The following USO1 variants were observed in gnomAD, a reference collection of about 807,000 sequenced individuals.
USO1 encodes the protein general vesicular transport factor p115.
Under a neutral mutation model 124.5 loss-of-function variants are expected in USO1, and 57 were observed. The ratio of observed to expected loss-of-function variants is 0.46; its 90% CI spans 0.37 to 0.57. The LOEUF (loss-of-function observed/expected upper bound fraction) is 0.57, where lower values mean the gene tolerates loss of function less well. Among genes scored for constraint, USO1 ranks in the 20% least tolerant of loss-of-function variants. The pLI, the probability that USO1 is intolerant of heterozygous loss-of-function variation, is 0.00. For missense variants in USO1, 900 were observed against 1,040.6 expected, an observed-to-expected ratio of 0.86 and a Z score of 1.86; for synonymous variants, 369 against 362.8, an observed-to-expected ratio of 1.02 and a Z score of -0.19.
chr4:75,799,233 G>A (rs1055362215), intron 13 of USO1, among the ~76,000 whole-genome samples: 1 of 151,532 alleles, frequency 6.6e-6, no homozygotes, highest in Non-Finnish European at 1.5e-5. Flanking sequence ...TCAGGAACTT[G>A]TTTTTAAACT....
chr4:75,780,129 C>T (rs1479604761), intron 8 of USO1, among the ~76,000 whole-genome samples: 2 of 152,184 alleles, frequency 1.3e-5, no homozygotes, highest in Non-Finnish European at 2.9e-5. Context: ...ACTGAACACA[C>T]ATCTCTTACA....
At chr4:75,746,547 T>C (rs778989351) in intron 1 of USO1, among the ~76,000 whole-genome samples, 5 of 152,238 alleles carry the variant, frequency 3.3e-5, no homozygotes, top group Non-Finnish European at 7.3e-5. Flanking sequence ...CAGAAAAATA[T>C]AGACTTGTGT....
At chr4:75,798,635 C>A (rs1230233057) in intron 13 of USO1, among the ~76,000 whole-genome samples, 1 of 151,944 alleles carries the variant, frequency 6.6e-6, no homozygotes, top group Non-Finnish European at 1.5e-5. Flanking sequence ...ATAGAAGAGT[C>A]AAGATATTGG....
At chr4:75,812,516 C>T in intron 23 of USO1, 141 bp downstream of exon 23, 1 of 1,038,070 alleles carries the variant, frequency 9.6e-7, no homozygotes, top group East Asian at 2.6e-5. Context: ...ACCATCTATA[C>T]TGTTTTCACT....
At chr4:75,745,633 C>T (rs1043958637) in intron 1 of USO1, among the ~76,000 whole-genome samples, 3 of 152,164 alleles carry the variant, frequency 2.0e-5, no homozygotes, top group African/African-American at 4.8e-5. Context: ...GGCGCAGTGG[C>T]TCACACCTGT....
Position 75,793,576 on chromosome 4 carries a change from G to C in USO1, c.1241-114G>C, listed in dbSNP as rs1448326699. 2.2e-6 allele frequency: 3 copies of C among 1,344,384 alleles called. No individual in the cohort carries two copies. In the South Asian group the frequency reaches 4.5e-5, roughly 20 times the overall value. 83.3% of individuals were successfully genotyped at this position (1,344,384 alleles called of 1,614,324 possible). ...TACTACTCATTAATACATGTTTAAT[G>C]ATTATATTTAATGGTATTTCACACT... On this transcript the variant is annotated intron_variant, in intron 12 of 23. Coordinates refer to ENST00000514213, the MANE Select transcript of USO1 (RefSeq NM_003715.4).
At chr4:75,805,428 C>A in intron 19 of USO1, 125 bp downstream of exon 19, 1 of 1,339,076 alleles carries the variant, frequency 7.5e-7, no homozygotes, top group Non-Finnish European at 9.8e-7. Context: ...CAGGATGGGC[C>A]AGGCACAGTG....
At chr4:75,743,790 T>G (rs187202917) in intron 1 of USO1, among the ~76,000 whole-genome samples, 159 of 152,292 alleles carry the variant, frequency 1.0e-3, no homozygotes, top group African/African-American at 3.7e-3. Context: ...CAAGCCCTTT[T>G]TTTTGAGACA....
chr4:75,805,560 A>G (rs567480824), intron 19 of USO1, among the ~76,000 whole-genome samples: 1 of 152,252 alleles, frequency 6.6e-6, no homozygotes, highest in South Asian at 2.1e-4. Context: ...TACAAAAATT[A>G]GCCGGGCATG....
At chr4:75,755,404 G>A (rs1721410950) in intron 3 of USO1, 1 of 515,576 alleles carries the variant, frequency 1.9e-6, no homozygotes, top group African/African-American at 1.9e-5. Context: ...CTTCTGAAAT[G>A]CGTATCTTCA....
chr4:75,785,241 C>T (rs1353947593), intron 9 of USO1, among the ~76,000 whole-genome samples: 1 of 152,184 alleles, frequency 6.6e-6, no homozygotes, highest in Non-Finnish European at 1.5e-5. Context: ...ATCATGATTG[C>T]ATTCTGAGCT....
Position 75,756,820 on chromosome 4 carries a change from A to AT in USO1, c.219-668dup, listed in dbSNP as rs906922168. ...GAGCAACCGCACCGGGCACCATAAGATTTTTTTTTAAGAAAATAATATATA... is the reference window on the plus strand; with the variant it reads ...GAGCAACCGCACCGGGCACCATAAGATTTTTTTTTTAAGAAAATAATATATA... On this transcript the variant is annotated intron_variant, in intron 3 of 23. Coordinates refer to ENST00000514213, the MANE Select transcript of USO1 (RefSeq NM_003715.4). Among the ~76,000 whole-genome samples the AT allele has an allele frequency of 4.6e-5, 7 of 151,198 alleles. No individual in the cohort carries two copies. In the East Asian group the frequency reaches 9.7e-4, roughly 21 times the overall value.
intron 4 of USO1, among the ~76,000 whole-genome samples, chr4:75,765,726 G>A (rs140944369): frequency 6.6e-6 from 1 of 151,520 alleles, no homozygotes; most frequent in African/African-American, 2.4e-5. Context: ...CTTCAAGCGT[G>A]TGTAAGTAAT....
intron 1 of USO1, among the ~76,000 whole-genome samples, chr4:75,725,252 T>G (rs759177453): frequency 3.9e-4 from 59 of 152,174 alleles, no homozygotes; most frequent in African/African-American, 1.4e-3. Flanking sequence ...CCTCTTTCTC[T>G]TTCGCTCGTC....
intron 21 of USO1, 46 bp from the exon 22 acceptor site, chr4:75,810,386 A>G: frequency 1.3e-6 from 2 of 1,537,874 alleles, no homozygotes; most frequent in Non-Finnish European, 1.7e-6. Flanking sequence ...GTTCATATTG[A>G]TTGTAATGTT....
At chr4:75,732,195 C>T (rs1477938555) in intron 1 of USO1, among the ~76,000 whole-genome samples, 1 of 152,064 alleles carries the variant, frequency 6.6e-6, no homozygotes, top group Non-Finnish European at 1.5e-5. Context: ...GTGTTGACTG[C>T]TCCCATCTTT....
At position 75,799,843 on chromosome 4, in the gene USO1, AT is replaced by A. The variant is rs1166511503; in HGVS notation, c.1563+112del. 2.3e-5 allele frequency: 30 copies of A among 1,279,922 alleles called. 1 individual carries two copies. In the Admixed American group the frequency reaches 7.5e-4, roughly 32 times the overall value. The allele number at this position is 1,279,922 out of a possible 1,614,324, so 79.3% of individuals were successfully genotyped here. ...AAATATTTGAATTCTCCACTATCTT[AT>A]CTGTGTTGCAACTTTTTAAACTGTT... On this transcript the variant is annotated intron_variant, in intron 14 of 23. Transcript: ENST00000514213.
intron 1 of USO1, among the ~76,000 whole-genome samples, chr4:75,727,572 G>A (rs1439634516): frequency 6.6e-6 from 1 of 152,278 alleles, no homozygotes. Flanking sequence ...TACTAATTTA[G>A]AAGTATTTAT....
At chr4:75,794,873 T>C (rs935669374) in intron 13 of USO1, among the ~76,000 whole-genome samples, 2 of 152,224 alleles carry the variant, frequency 1.3e-5, no homozygotes, top group African/African-American at 4.8e-5. Context: ...AATTGAAAGC[T>C]TATTTTGTCT....
Sources: allele counts gnomAD v4.1 joint callset (sites outside exome capture counted in the v4.1 genomes callset), GRCh38; gene constraint gnomAD v4.1.1; transcripts MANE v1.5; gene names NCBI Gene and HGNC (gene_info 2026-07-23, HGNC 2026-07-21).